Variants in RTN4IP1 observed in about 807,000 individuals in gnomAD.
The protein encoded by RTN4IP1 is NAD(P)H oxidoreductase RTN4IP1, mitochondrial.
In RTN4IP1, 32 loss-of-function variants were observed where a neutral mutation model predicts 46.6. The ratio of observed to expected loss-of-function variants is 0.69; its 90% CI spans 0.52 to 0.92. The LOEUF is 0.92. RTN4IP1 is among the 40% of genes least tolerant of loss of function. RTN4IP1 has a pLI of 0.00. For synonymous variants in RTN4IP1, 167 were observed against 161.8 expected, an observed-to-expected ratio of 1.03 and a Z score of -0.24; for missense variants, 424 against 485.8, an observed-to-expected ratio of 0.87 and a Z score of 1.20.
intron 8 of RTN4IP1, among the ~76,000 whole-genome samples, chr6:106,578,511 T>C (rs1199539340): frequency 2.6e-5 from 4 of 152,246 alleles, no homozygotes; most frequent in Non-Finnish European, 5.9e-5. Context: ...AAACAGGAAC[T>C]GTTTTTTGTG....
chr6:106,604,036 C>T (rs1776003703), intron 4 of RTN4IP1, among the ~76,000 whole-genome samples: 1 of 152,144 alleles, frequency 6.6e-6, no homozygotes, highest in African/African-American at 2.4e-5. Flanking sequence ...TTAACATCAC[C>T]GTAAATTGAG....
intron 8 of RTN4IP1, among the ~76,000 whole-genome samples, chr6:106,577,241 C>T (rs954200751): frequency 1.3e-4 from 20 of 151,996 alleles, no homozygotes; most frequent in Admixed American, 1.2e-3. Context: ...TCAAGACCAG[C>T]TTGGGCAACA....
At chr6:106,600,790 A>G (rs1227700417) in intron 5 of RTN4IP1, among the ~76,000 whole-genome samples, 1 of 152,154 alleles carries the variant, frequency 6.6e-6, no homozygotes, top group Non-Finnish European at 1.5e-5. Flanking sequence ...ATATAGATAT[A>G]TAATATTCCA....
At chr6:106,604,600 C>A (rs1776016147) in intron 4 of RTN4IP1, among the ~76,000 whole-genome samples, 1 of 152,078 alleles carries the variant, frequency 6.6e-6, no homozygotes, top group Non-Finnish European at 1.5e-5. Flanking sequence ...TGGGCCCCCT[C>A]CCTATAATCT....
At chr6:106,629,573 G>T (rs536241304), upstream of RTN4IP1, 38 of 1,360,700 alleles carry the variant, frequency 2.8e-5, no homozygotes, top group Non-Finnish European at 3.8e-5. Context: ...GGTGTTGAAG[G>T]GCTCAGTGAC....
intron 4 of RTN4IP1, among the ~76,000 whole-genome samples, chr6:106,603,415 C>G (rs1775992069): frequency 6.6e-6 from 1 of 152,216 alleles, no homozygotes; most frequent in Admixed American, 6.5e-5. Context: ...TTCCCATCCT[C>G]GATGTGGCTT....
intron 5 of RTN4IP1, among the ~76,000 whole-genome samples, chr6:106,592,534 A>G (rs988778312): frequency 6.6e-6 from 1 of 152,252 alleles, no homozygotes; most frequent in Non-Finnish European, 1.5e-5. Context: ...TTTTCCCTAC[A>G]TGAGACAGCC....
At chr6:106,619,107 G>T in intron 4 of RTN4IP1, 95 bp downstream of exon 4, 1 of 1,355,142 alleles carries the variant, frequency 7.4e-7, no homozygotes, top group Non-Finnish European at 1.0e-6. Flanking sequence ...TCGTGTAAAT[G>T]ATACTAAATT....
chr6:106,588,336 G>A (rs969093973), intron 6 of RTN4IP1, among the ~76,000 whole-genome samples: 3 of 152,194 alleles, frequency 2.0e-5, no homozygotes, highest in South Asian at 2.1e-4. Flanking sequence ...TAGTGCACAT[G>A]GATACTTGAA....
chr6:106,613,300 T>C (rs1056447388), intron 4 of RTN4IP1, among the ~76,000 whole-genome samples: 3 of 152,224 alleles, frequency 2.0e-5, no homozygotes, highest in African/African-American at 4.8e-5. Flanking sequence ...AATTTCTTCC[T>C]ACCTCTCATT....
intron 4 of RTN4IP1, among the ~76,000 whole-genome samples, chr6:106,604,137 A>G (rs1239725885): frequency 6.6e-6 from 1 of 152,190 alleles, no homozygotes; most frequent in African/African-American, 2.4e-5. Flanking sequence ...AAATCTTGGA[A>G]CACGCATTCT....
At chr6:106,610,513 AC>A (rs1776198954) in intron 4 of RTN4IP1, among the ~76,000 whole-genome samples, 1 of 152,176 alleles carries the variant, frequency 6.6e-6, no homozygotes, top group African/African-American at 2.4e-5. Context: ...ATGGCCCTTC[AC>A]TTAAGTCCTA....
At position 106,625,230 on chromosome 6, in the gene RTN4IP1, C is replaced by T. The variant is rs186019459; in HGVS notation, c.275-2261G>A. On this transcript the variant is annotated intron_variant, in intron 1 of 8. Coordinates refer to ENST00000369063, the MANE Select transcript of RTN4IP1 (RefSeq NM_032730.5). Reference sequence around the variant, plus strand: ...TCTCCAGTGTCATGTACCACTCACTCCCTGCCCCACAACGCATGCTCCACA... The same window carrying T: ...TCTCCAGTGTCATGTACCACTCACTTCCTGCCCCACAACGCATGCTCCACA... Among the ~76,000 whole-genome samples, 23 of 151,824 alleles carry T rather than the reference C, an allele frequency of 1.5e-4. No individual in the cohort carries two copies. The East Asian group carries it at 3.9e-3, about 26-fold the overall frequency.
intron 3 of RTN4IP1, among the ~76,000 whole-genome samples, chr6:106,619,547 A>C (rs1045039126): frequency 2.1e-5 from 3 of 142,146 alleles, no homozygotes; most frequent in African/African-American, 7.4e-5. Flanking sequence ...ACTTGAACAC[A>C]ACAAGGATGA....
chr6:106,607,695 T>C (rs1418540047), intron 4 of RTN4IP1: 2 of 152,186 alleles, frequency 1.3e-5, no homozygotes, highest in East Asian at 3.9e-4. Flanking sequence ...AGAATGGTTA[T>C]TACCAAAAAG....
At chr6:106,598,683 A>G (rs888596715) in intron 5 of RTN4IP1, among the ~76,000 whole-genome samples, 1 of 151,912 alleles carries the variant, frequency 6.6e-6, no homozygotes. Flanking sequence ...TTTGCTGTGC[A>G]GAAGCTCTTT....
intron 1 of RTN4IP1, among the ~76,000 whole-genome samples, chr6:106,624,059 T>C (rs530215121): frequency 6.6e-6 from 1 of 152,282 alleles, no homozygotes; most frequent in South Asian, 2.1e-4. Context: ...TTTCACATCT[T>C]TTTATTTATT....
At chr6:106,578,177 C>T (rs550190070) in intron 8 of RTN4IP1, among the ~76,000 whole-genome samples, 58 of 152,160 alleles carry the variant, frequency 3.8e-4, no homozygotes, top group Non-Finnish European at 7.9e-4. Context: ...ATACCAAGAA[C>T]TCAAACTCTA....
intron 8 of RTN4IP1, among the ~76,000 whole-genome samples, chr6:106,581,538 C>T (rs1321430888): frequency 6.6e-6 from 1 of 152,224 alleles, no homozygotes; most frequent in Non-Finnish European, 1.5e-5. Context: ...GTGCCACATA[C>T]CAACTTCACA....
Sources: allele counts gnomAD v4.1 joint callset (sites outside exome capture counted in the v4.1 genomes callset), GRCh38; gene constraint gnomAD v4.1.1; transcripts MANE v1.5; gene names NCBI Gene and HGNC (gene_info 2026-07-23, HGNC 2026-07-21).